ADA2: variants seen among roughly 807,000 people sequenced by gnomAD.
The protein encoded by ADA2 is adenosine deaminase 2.
Under a neutral mutation model 44.2 loss-of-function variants are expected in ADA2, and 29 were observed. The ratio of observed to expected loss-of-function variants is 0.66; its 90% CI spans 0.49 to 0.89. ADA2 has a LOEUF of 0.89. ADA2 is among the 40% of genes least tolerant of loss of function. The pLI, the probability that ADA2 is intolerant of heterozygous loss-of-function variation, is 0.00. For missense variants in ADA2, 637 were observed against 644.8 expected (o/e 0.99, Z 0.13); for synonymous variants, 215 against 234.9 (o/e 0.92, Z 0.77).
intron 1 of ADA2, among the ~76,000 whole-genome samples, chr22:17,210,992 T>G (rs182396136): frequency 1.3e-5 from 2 of 152,156 alleles, no homozygotes; most frequent in African/African-American, 4.8e-5. Flanking sequence ...TGCAATGAGC[T>G]TTGACCTCAC....
At chr22:17,198,038 CAA>C (rs35766953) in intron 4 of ADA2, among the ~76,000 whole-genome samples, 4 of 107,122 alleles carry the variant, frequency 3.7e-5, no homozygotes, top group Non-Finnish European at 5.9e-5. Context: ...AACTCCGTCT[CAA>C]AAAAAAAAAA....
At chr22:17,210,194 T>C (rs1039624825) in intron 1 of ADA2, among the ~76,000 whole-genome samples, 9 of 46,814 alleles carry the variant, frequency 1.9e-4, no homozygotes, top group Admixed American at 5.9e-4. Context: ...CACCTGGCAT[T>C]TTTTTTTTTT....
At chr22:17,190,147 C>A in intron 5 of ADA2, 115 bp from the exon 6 acceptor site, 1 of 798,858 alleles carries the variant, frequency 1.3e-6, no homozygotes, top group South Asian at 1.6e-5. Context: ...GTCCCGTTTC[C>A]CAAACCTGAG....
chr22:17,181,420 C>A lies in ADA2; in HGVS notation c.*63G>T, dbSNP rs1601419636. 9.2e-7 allele frequency: 1 copy of A among 1,088,456 alleles called. No homozygotes were observed. The highest frequency in any genetic ancestry group is 1.4e-6 in the Non-Finnish European group (1 of 701,438). 67.4% of individuals were successfully genotyped at this position (1,088,456 alleles called of 1,614,324 possible). On this transcript the variant is annotated 3_prime_UTR_variant, in exon 10 of 10. Transcript: ENST00000399837. ...TGGGCACATGGAGCTGATTCAAGAA[C>A]GAGTGAGAGGAAGTGACAGCGTGTG... is the stretch of plus-strand genomic sequence containing the variant.
At chr22:17,211,907 A>G (rs1268567288) in intron 1 of ADA2, among the ~76,000 whole-genome samples, 4 of 152,170 alleles carry the variant, frequency 2.6e-5, no homozygotes, top group Admixed American at 1.3e-4. Context: ...CAGCCTGCCA[A>G]CAGAGTGAGA....
chr22:17,193,349 T>C, intron 4 of ADA2: 1 of 46,240 alleles, frequency 2.2e-5, no homozygotes, highest in Non-Finnish European at 4.2e-5. Context: ...AATAAAACCG[T>C]AAAAACTGCA....
intron 7 of ADA2, among the ~76,000 whole-genome samples, chr22:17,183,078 TTTG>T (rs905305159): frequency 2.2e-4 from 34 of 152,204 alleles, no homozygotes; most frequent in Admixed American, 1.1e-3. Context: ...AACCGAGTTT[TTTG>T]TTGTTGTTGT....
At chr22:17,218,939 C>G (rs184415596) in intron 1 of ADA2, among the ~76,000 whole-genome samples, 1 of 152,284 alleles carries the variant, frequency 6.6e-6, no homozygotes, top group African/African-American at 2.4e-5. Context: ...GGCAGATCAC[C>G]TGACGTCAGT....
chr22:17,201,180 G>T (rs2062281819), intron 4 of ADA2, among the ~76,000 whole-genome samples: 1 of 151,358 alleles, frequency 6.6e-6, no homozygotes, highest in South Asian at 2.1e-4. Flanking sequence ...CTACACTCCA[G>T]CCTGGGCGAC....
chr22:17,190,120 C>T, intron 5 of ADA2, 88 bp from the exon 6 acceptor site: 1 of 1,079,990 alleles, frequency 9.3e-7, no homozygotes, highest in Non-Finnish European at 1.4e-6. Flanking sequence ...AGGGCTGGGC[C>T]AGCCCCAAGT....
intron 2 of ADA2, among the ~76,000 whole-genome samples, chr22:17,208,918 T>A (rs1011244686): frequency 1.3e-5 from 2 of 151,850 alleles, no homozygotes; most frequent in African/African-American, 4.8e-5. Flanking sequence ...AAACTCCACC[T>A]CCTGGGCTCA....
intron 7 of ADA2, among the ~76,000 whole-genome samples, chr22:17,186,563 T>A (rs948799231): frequency 7.6e-6 from 1 of 132,078 alleles, no homozygotes; most frequent in African/African-American, 2.9e-5. Flanking sequence ...GCCTGGGCGA[T>A]ACAGTAAGAC....
chr22:17,221,324 C>T (rs1296701515), upstream of ADA2, among the ~76,000 whole-genome samples: 2 of 151,704 alleles, frequency 1.3e-5, no homozygotes, highest in East Asian at 1.9e-4. Flanking sequence ...TTCTAGGGTA[C>T]ATGTGCACAA....
At chr22:17,198,739 G>A (rs1601447433) in intron 4 of ADA2, 1 of 152,258 alleles carries the variant, frequency 6.6e-6, no homozygotes, top group East Asian at 1.9e-4. Flanking sequence ...GGTCTTGGAA[G>A]AGCCCCATGC....
chr22:17,190,190 G>A (rs2062097837), intron 5 of ADA2, among the ~76,000 whole-genome samples, 158 bp from the exon 6 acceptor site: 1 of 152,186 alleles, frequency 6.6e-6, no homozygotes, highest in Non-Finnish European at 1.5e-5. Context: ...ACCCTGACCA[G>A]GCCATTGTGA....
chr22:17,193,481 A>AT (rs1490182071), intron 4 of ADA2, among the ~76,000 whole-genome samples: 1 of 150,728 alleles, frequency 6.6e-6, no homozygotes, highest in African/African-American at 2.4e-5. Flanking sequence ...CCTGGCCAAT[A>AT]TGGTGAAACC....
chr22:17,211,669 C>G (rs2062419500), intron 1 of ADA2, among the ~76,000 whole-genome samples: 1 of 152,126 alleles, frequency 6.6e-6, no homozygotes, highest in African/African-American at 2.4e-5. Context: ...GTGGCTCACC[C>G]CTGTAATCCC....
intron 1 of ADA2, among the ~76,000 whole-genome samples, chr22:17,210,126 G>C (rs1464125882): frequency 6.6e-6 from 1 of 151,650 alleles, no homozygotes; most frequent in African/African-American, 2.4e-5. Flanking sequence ...TCCTGACCTC[G>C]TGATCTGCCC....
chr22:17,192,027 G>A (rs186169413), intron 4 of ADA2, among the ~76,000 whole-genome samples: 12 of 151,990 alleles, frequency 7.9e-5, no homozygotes, highest in African/African-American at 2.9e-4. Flanking sequence ...CCATCAACGA[G>A]CTCTGGGAAA....
Sources: gnomAD v4.1 joint callset for allele counts (sites outside exome capture counted in the v4.1 genomes callset) on GRCh38, gnomAD v4.1.1 for gene constraint, MANE v1.5 for transcripts, NCBI Gene and HGNC (gene_info 2026-07-23, HGNC 2026-07-21) for gene names.